Variants in ANTXR2 observed in about 807,000 individuals in gnomAD.
ANTXR2 encodes anthrax toxin receptor 2.
Under a neutral mutation model 73.7 loss-of-function variants are expected in ANTXR2, and 44 were observed. The ratio of observed to expected loss-of-function variants is 0.60; its 90% CI spans 0.47 to 0.77. The LOEUF (loss-of-function observed/expected upper bound fraction) is 0.77, where lower values mean the gene tolerates loss of function less well. Among genes scored for constraint, ANTXR2 ranks in the 30% least tolerant of loss-of-function variants. The probability of loss-of-function intolerance (pLI) is 0.00; values close to 1 mark genes in which losing one functional copy is unlikely to be tolerated. For missense variants in ANTXR2, 604 were observed against 592.5 expected, an observed-to-expected ratio of 1.02 and a Z score of -0.20; for synonymous variants, 217 against 205.9, an observed-to-expected ratio of 1.05 and a Z score of -0.46.
intron 16 of ANTXR2, among the ~76,000 whole-genome samples, chr4:79,932,569 A>G (rs973243834): frequency 2.0e-5 from 3 of 151,842 alleles, no homozygotes; most frequent in African/African-American, 7.3e-5. Flanking sequence ...AGGCGGGTGG[A>G]TTGCCTGAGG....
chr4:79,959,894 G>T (rs1304346037), intron 16 of ANTXR2, among the ~76,000 whole-genome samples: 1 of 152,206 alleles, frequency 6.6e-6, no homozygotes, highest in African/African-American at 2.4e-5. Context: ...TGAGGACAAA[G>T]CAGTGGAAGC....
chr4:79,947,470 T>C (rs1167080778), intron 16 of ANTXR2, among the ~76,000 whole-genome samples: 1 of 152,146 alleles, frequency 6.6e-6, no homozygotes, highest in Non-Finnish European at 1.5e-5. Context: ...AAAAAAGTTT[T>C]TTATTTTGCC....
chr4:79,947,808 T>C (rs574622658), intron 16 of ANTXR2, among the ~76,000 whole-genome samples: 11 of 152,290 alleles, frequency 7.2e-5, no homozygotes, highest in African/African-American at 2.2e-4. Flanking sequence ...CCAAACATAA[T>C]GTATTCATAA....
At chr4:80,046,216 T>A (rs1363697917) in intron 7 of ANTXR2, among the ~76,000 whole-genome samples, 1 of 151,820 alleles carries the variant, frequency 6.6e-6, no homozygotes, top group Non-Finnish European at 1.5e-5. Context: ...AAATCTTTTT[T>A]AAAACTTTAG....
chr4:80,008,932 T>C (rs1731438000), intron 11 of ANTXR2, among the ~76,000 whole-genome samples: 1 of 152,200 alleles, frequency 6.6e-6, no homozygotes, highest in African/African-American at 2.4e-5. Flanking sequence ...TCTCTATCTT[T>C]CATGTAAGGA....
chr4:80,051,166 A>G (rs1733755400), intron 7 of ANTXR2, among the ~76,000 whole-genome samples: 1 of 151,708 alleles, frequency 6.6e-6, no homozygotes, highest in African/African-American at 2.4e-5. Flanking sequence ...TCCTGTCTTT[A>G]TGTCACCTTA....
intron 12 of ANTXR2, among the ~76,000 whole-genome samples, chr4:79,999,285 C>T (rs1252306385): frequency 6.6e-6 from 1 of 151,942 alleles, no homozygotes; most frequent in Non-Finnish European, 1.5e-5. Flanking sequence ...ATGCTGTTCT[C>T]ATGATAGTGA....
At chr4:79,917,270 G>C (rs1402344155) in intron 16 of ANTXR2, among the ~76,000 whole-genome samples, 1 of 152,068 alleles carries the variant, frequency 6.6e-6, no homozygotes, top group Non-Finnish European at 1.5e-5. Context: ...CCTTCTCAAA[G>C]GGAATAGAAG....
At chr4:79,952,252 C>A (rs1728736125) in intron 16 of ANTXR2, among the ~76,000 whole-genome samples, 1 of 150,974 alleles carries the variant, frequency 6.6e-6, no homozygotes, top group Non-Finnish European at 1.5e-5. Flanking sequence ...TCCATCTTGA[C>A]TATACAACTG....
rs564126587 is a variant in ANTXR2 at position 79,903,036 on chromosome 4, C to A, written c.*4393G>T. On this transcript the variant is annotated 3_prime_UTR_variant, in exon 17 of 17. Coordinates refer to ENST00000403729, the MANE Select transcript of ANTXR2 (RefSeq NM_058172.6). ...TGGTGTTATGTGCCTGTAATCCCAG[C>A]TACTCAGGAGGCTGAGGGATGAGAA... 2.7e-4 allele frequency: 41 copies of A among 152,076 alleles called. No individual in the cohort carries two copies. Among genetic ancestry groups the A allele is most frequent in the African/African-American group, 9.9e-4 (41 of 41,426 alleles). 9.4% of individuals were successfully genotyped at this position (152,076 alleles called of 1,614,324 possible).
chr4:79,926,912 T>TATATGTGTATATATACACATGTGCA (rs1191646494), intron 16 of ANTXR2, among the ~76,000 whole-genome samples: 1 of 107,276 alleles, frequency 9.3e-6, no homozygotes, highest in African/African-American at 3.3e-5. Context: ...CATGTGTGCA[T>TATATGTGTATATATACACATGTGCA]ATATGTGTAT....
chr4:79,964,687 G>A (rs1314576850), intron 16 of ANTXR2: 2 of 152,284 alleles, frequency 1.3e-5, no homozygotes, highest in Admixed American at 1.3e-4. Context: ...AGGCCTCCAG[G>A]CAGCGAGAGT....
rs754719897 is a variant in ANTXR2, at chr4:80,071,646, C to G, written c.161G>C (p.Ser54Thr). The G allele has an allele frequency of 6.2e-7, 1 of 1,611,656 alleles. No homozygotes were observed. The highest frequency in any genetic ancestry group is 1.1e-5 in the South Asian group (1 of 91,006). ...AATTTCAATCCAGTTATTTGCCACA[C>G]TCCCAGACCTGAAAGATGAAATTGA... is the stretch of plus-strand genomic sequence containing the variant. ...DLYFVLDKSG[S>T]VANNWIEIYN... Residue 54 changes from serine (S) to threonine (T), a missense_variant, in exon 2 of 17, where the codon AGT becomes ACT. Physicochemically the swap from Ser to Thr is moderately conservative, Grantham distance 58. Transcript: ENST00000403729.
intron 10 of ANTXR2, among the ~76,000 whole-genome samples, chr4:80,023,516 GC>G (rs1732273955): frequency 6.6e-6 from 1 of 152,176 alleles, no homozygotes; most frequent in South Asian, 2.1e-4. Context: ...ATAAAAGGAA[GC>G]CCCGTAAACA....
chr4:79,965,342 G>A (rs4494979), intron 16 of ANTXR2, among the ~76,000 whole-genome samples: 98,533 of 152,060 alleles, frequency 0.65, 34,623 homozygotes, highest in East Asian at 0.96. Flanking sequence ...CCTGAAAACA[G>A]CTGTGTTTTA....
chr4:79,926,947 ATATATACGTGTGCATATATGTG>A lies in ANTXR2; in HGVS notation c.1429-19502_1429-19481del, dbSNP rs199615330. On this transcript the variant is annotated intron_variant, in intron 16 of 16. Transcript: ENST00000403729. ...TATATACACATGTGCATATATGTGT[ATATATACGTGTGCATATATGTG>A]TATATATACGTGTGCATATATGTGT... is the stretch of plus-strand genomic sequence containing the variant. Among the ~76,000 whole-genome samples, 72 of 67,554 alleles carry A rather than the reference ATATATACGTGTGCATATATGTG, an allele frequency of 1.1e-3. 1 individual carries two copies. Among genetic ancestry groups the A allele is most frequent in the East Asian group, 8.6e-3 (2 of 232 alleles). The allele number at this position is 67,554 out of a possible 152,430, so 44.3% of individuals were successfully genotyped here.
At chr4:80,028,773 C>G (rs1207677857) in intron 10 of ANTXR2, among the ~76,000 whole-genome samples, 1 of 152,180 alleles carries the variant, frequency 6.6e-6, no homozygotes, top group East Asian at 1.9e-4. Context: ...CAAGGCTAAA[C>G]TGTTTCAATT....
chr4:80,001,256 G>A (rs1008148676), intron 12 of ANTXR2, among the ~76,000 whole-genome samples: 2 of 151,286 alleles, frequency 1.3e-5, no homozygotes, highest in African/African-American at 2.4e-5. Flanking sequence ...ATGCTGGTGC[G>A]CTGCACCCAC....
intron 12 of ANTXR2, among the ~76,000 whole-genome samples, chr4:79,986,955 A>C (rs1392820876): frequency 2.0e-5 from 3 of 152,242 alleles, no homozygotes; most frequent in Non-Finnish European, 4.4e-5. Flanking sequence ...CTGCCTTCAA[A>C]CCCTCAAGAA....
Sources: gnomAD v4.1 joint callset for allele counts (sites outside exome capture counted in the v4.1 genomes callset) on GRCh38, gnomAD v4.1.1 for gene constraint, MANE v1.5 for transcripts, NCBI Gene and HGNC (gene_info 2026-07-23, HGNC 2026-07-21) for gene names.